ZNF721: variants seen among roughly 807,000 people sequenced by gnomAD.
ZNF721 encodes the protein zinc finger protein 721.
A neutral mutation model predicts 2.4 loss-of-function variants in ZNF721; 2 were observed. That is an observed-to-expected ratio of 0.82 (90% confidence interval 0.34 to 2.58). The LOEUF is 2.58. Among genes scored for constraint, ZNF721 ranks in the 30% most tolerant of loss-of-function variants. The probability of loss-of-function intolerance (pLI) is 0.11; values close to 1 mark genes in which losing one functional copy is unlikely to be tolerated. For missense variants in ZNF721, 1,187 were observed against 1,085.5 expected (o/e 1.09, Z -1.31); for synonymous variants, 398 against 381.8 (o/e 1.04, Z -0.50).
At chr4:481,101 T>C (rs544151462) in intron 1 of ZNF721, among the ~76,000 whole-genome samples, 1 of 152,274 alleles carries the variant, frequency 6.6e-6, no homozygotes, top group East Asian at 1.9e-4. Context: ...TTTGTATTTT[T>C]TGTAGAGATG....
intron 2 of ZNF721, among the ~76,000 whole-genome samples, chr4:471,498 A>G (rs868951928): frequency 2.2e-4 from 33 of 152,312 alleles, no homozygotes; most frequent in Middle Eastern, 6.8e-3. Context: ...GGGTAAATCT[A>G]AAAATGTAAA....
At chr4:474,166 G>T in intron 1 of ZNF721, 1 of 569,890 alleles carries the variant, frequency 1.8e-6, no homozygotes, top group Non-Finnish European at 2.9e-6. Context: ...CGAAGATCCC[G>T]GATGCCGCCC....
chr4:474,091 G>A, intron 1 of ZNF721: 1 of 1,340,556 alleles, frequency 7.5e-7, no homozygotes, highest in Admixed American at 1.9e-5. Flanking sequence ...AGGCCTCCCT[G>A]AGGTGTGGAA....
chr4:491,458 C>G (rs1490760780), intron 1 of ZNF721, among the ~76,000 whole-genome samples: 2 of 152,124 alleles, frequency 1.3e-5, no homozygotes, highest in Non-Finnish European at 2.9e-5. Flanking sequence ...CCTCCAGTAA[C>G]AAAGAGTGCT....
At chr4:454,674 T>C (rs1000913442) in intron 2 of ZNF721, among the ~76,000 whole-genome samples, 3 of 152,166 alleles carry the variant, frequency 2.0e-5, no homozygotes, top group African/African-American at 7.2e-5. Context: ...TTTCCTACAA[T>C]TGAGGATCAA....
intron 1 of ZNF721, among the ~76,000 whole-genome samples, chr4:495,449 A>T (rs1441360275): frequency 9.0e-6 from 1 of 111,250 alleles, no homozygotes; most frequent in Non-Finnish European, 1.7e-5. Context: ...TAGCCTTTAA[A>T]ATTGACTTTT....
intron 1 of ZNF721, among the ~76,000 whole-genome samples, chr4:498,084 A>C (rs1716342306): frequency 1.3e-5 from 2 of 151,854 alleles, no homozygotes; most frequent in East Asian, 1.9e-4. Flanking sequence ...ACGCACCTGT[A>C]ATCCCAGCTA....
intron 2 of ZNF721, among the ~76,000 whole-genome samples, chr4:454,230 G>T (rs782159586): frequency 6.6e-6 from 1 of 152,174 alleles, no homozygotes; most frequent in East Asian, 1.9e-4. Flanking sequence ...GATACACTTG[G>T]GGGTGGCCAT....
chr4:443,673 G>A lies in ZNF721; in HGVS notation c.794C>T (p.Ala265Val). The A allele has an allele frequency of 6.2e-7, 1 of 1,613,762 alleles. No homozygotes were observed. Among genetic ancestry groups the A allele is most frequent in the Non-Finnish European group, 8.5e-7 (1 of 1,179,924 alleles). Residue 265 changes from alanine to valine, a missense_variant, in exon 3 of 3, where the codon GCT (alanine) becomes GTT (valine). Transcript: ENST00000511833. Reference sequence around the variant, plus strand: ...GCCAGTATGAATCCTCTTATGTTTAGCAAAGCTTGAGGATGAGGAAATGAC... The same window carrying A: ...GCCAGTATGAATCCTCTTATGTTTAACAAAGCTTGAGGATGAGGAAATGAC... ...GKVISSSSSFAKHKRIHTGEK... is the reference protein window; with the variant it reads ...GKVISSSSSFVKHKRIHTGEK...
rs1553863576 is a variant in ZNF721 at position 443,199 on chromosome 4, C to T, written c.1268G>A (p.Gly423Asp). 4 of 1,613,748 alleles carry T rather than the reference C, an allele frequency of 2.5e-6. No homozygotes were observed. The highest frequency in any genetic ancestry group is 3.4e-6 in the Non-Finnish European group (4 of 1,179,816). Reference protein sequence around the residue: ...REKPYTCEDRGRAFGLSTNLN... With the variant: ...REKPYTCEDRDRAFGLSTNLN... ...GTTTGTGGACAATCCAAAGGCTCTG[C>T]CACGATCTTCACATGTGTAGGGTTT... The change falls in exon 3 of 3, where the codon GGC (glycine) becomes GAC (aspartate). Residue 423 changes from glycine to aspartate, a missense_variant. Gly to Asp is a moderately conservative substitution (Grantham distance 94). Transcript: ENST00000511833.
chr4:480,341 T>C (rs576710468), intron 1 of ZNF721, among the ~76,000 whole-genome samples: 1 of 152,370 alleles, frequency 6.6e-6, no homozygotes, highest in Admixed American at 6.5e-5. Flanking sequence ...AACACTTTTG[T>C]AATTTGAATT....
In ZNF721 at chr4:441,834, G is replaced by T; in HGVS notation, c.2633C>A (p.Ala878Glu). The change falls in exon 3 of 3, where the codon GCA becomes GAA. Residue 878 changes from alanine to glutamate, a missense_variant. By Grantham distance (107) the Ala-to-Glu change is moderately radical. Transcript: ENST00000511833. Reference protein sequence around the residue: ...GECGKTFRQSANLYAHKKIHT... With the variant: ...GECGKTFRQSENLYAHKKIHT... ...AATTTTCTTATGCGCATAAAGATTTGCAGACTGTCTAAAGGTTTTGCCACA... is the reference window on the plus strand; with the variant it reads ...AATTTTCTTATGCGCATAAAGATTTTCAGACTGTCTAAAGGTTTTGCCACA... The T allele has an allele frequency of 6.2e-7, 1 of 1,614,018 alleles. No individual in the cohort carries two copies. Among genetic ancestry groups the T allele is most frequent in the Non-Finnish European group, 8.5e-7 (1 of 1,180,002 alleles).
chr4:483,054 G>A (rs558573555), intron 1 of ZNF721, among the ~76,000 whole-genome samples: 4 of 152,240 alleles, frequency 2.6e-5, no homozygotes, highest in South Asian at 2.1e-4. Context: ...TGTATGTTTC[G>A]ATGCATATAC....
intron 2 of ZNF721, among the ~76,000 whole-genome samples, chr4:449,034 TTAAAA>T (rs1402236188): frequency 1.3e-5 from 2 of 152,146 alleles, no homozygotes; most frequent in African/African-American, 4.8e-5. Context: ...TGGTCTGACT[TTAAAA>T]TAAAAAGCAG....
chr4:498,906 A>C (rs1716497369), intron 1 of ZNF721, 150 bp downstream of exon 1: 1 of 157,054 alleles, frequency 6.4e-6, no homozygotes, highest in Non-Finnish European at 1.4e-5. Flanking sequence ...TTGTATTTTT[A>C]GTTGAGACGG....
At chr4:450,074 C>CCA (rs138723519) in intron 2 of ZNF721, among the ~76,000 whole-genome samples, 13 of 151,982 alleles carry the variant, frequency 8.6e-5, no homozygotes, top group South Asian at 2.1e-4. Context: ...CTGTGGACGA[C>CCA]CACACACACA....
At chr4:487,723 A>AGGAGAATAGGG (rs1169428823) in intron 1 of ZNF721, among the ~76,000 whole-genome samples, 1 of 152,210 alleles carries the variant, frequency 6.6e-6, no homozygotes, top group Non-Finnish European at 1.5e-5. Flanking sequence ...GAAGTGAGGC[A>AGGAGAATAGGG]GGAGAATAGG....
At chr4:450,418 A>G (rs1032820327) in intron 2 of ZNF721, among the ~76,000 whole-genome samples, 2 of 152,236 alleles carry the variant, frequency 1.3e-5, no homozygotes, top group Non-Finnish European at 2.9e-5. Flanking sequence ...TAAAACAGAT[A>G]CACTGAGACA....
intron 2 of ZNF721, among the ~76,000 whole-genome samples, chr4:456,864 C>T (rs578094773): frequency 4.9e-4 from 74 of 151,906 alleles, no homozygotes; most frequent in Non-Finnish European, 1.2e-4. Context: ...AGCAACAAAG[C>T]GAGACTCCAT....
Sources: allele counts gnomAD v4.1 joint callset (sites outside exome capture counted in the v4.1 genomes callset), GRCh38; gene constraint gnomAD v4.1.1; transcripts MANE v1.5; gene names NCBI Gene and HGNC (gene_info 2026-07-23, HGNC 2026-07-21).